Variants in URB2 observed in about 807,000 individuals in gnomAD.
URB2 encodes URB2 ribosome biogenesis homolog.
URB2 carries 86 observed loss-of-function variants against 120.9 expected under a neutral mutation model. The observed-to-expected ratio is 0.71, with a 90% CI of 0.60 to 0.85. The LOEUF (loss-of-function observed/expected upper bound fraction) is 0.85, where lower values mean the gene tolerates loss of function less well. Among genes scored for constraint, URB2 ranks in the 40% least tolerant of loss-of-function variants. The probability of loss-of-function intolerance (pLI) is 0.00; values close to 1 mark genes in which losing one functional copy is unlikely to be tolerated. For missense variants in URB2, 1,765 were observed against 1,836.5 expected (o/e 0.96, Z 0.71); for synonymous variants, 755 against 758.4 (o/e 1.00, Z 0.07).
At chr1:229,647,483 T>A in intron 6 of URB2, 27 bp from the exon 7 acceptor site, 2 of 1,600,112 alleles carry the variant, frequency 1.2e-6, no homozygotes, top group Non-Finnish European at 1.7e-6. Flanking sequence ...TACTTTCATT[T>A]TTCCTTTATT....
chr1:229,658,565 T>C (rs376403482), intron 9 of URB2, among the ~76,000 whole-genome samples: 12 of 152,204 alleles, frequency 7.9e-5, no homozygotes, highest in East Asian at 3.8e-4. Flanking sequence ...TAATTACTAG[T>C]GTAGGCTTAT....
At position 229,638,240 on chromosome 1, in the gene URB2, T is replaced by C. The variant is rs1396984152; in HGVS notation, c.3627T>C (p.Val1209=). 1 of 1,595,958 alleles carries C rather than the reference T, an allele frequency of 6.3e-7. No individual in the cohort carries two copies. Among genetic ancestry groups the C allele is most frequent in the Non-Finnish European group, 8.5e-7 (1 of 1,171,258 alleles). ...FTSMFHSVRR[V]LADPEIPVQV... ...CCATGTTTCATTCTGTGAGAAGAGT[T>C]CTTGCAGGTAAGATATTTTCTCTTG... The change falls in exon 4 of 10, where the codon GTT becomes GTC. Residue 1209 remains valine, a synonymous_variant. Coordinates refer to ENST00000258243, the MANE Select transcript of URB2 (RefSeq NM_014777.4).
Position 229,636,386 on chromosome 1 carries a change from A to C in URB2, c.1773A>C (p.Pro591=). The change falls in exon 4 of 10, where the codon CCA becomes CCC. Residue 591 remains proline (P), a synonymous_variant. Coordinates refer to ENST00000258243, the MANE Select transcript of URB2 (RefSeq NM_014777.4). The part of the protein sequence containing the change: ...QPLLALLPDT[P]GPEPELWLQK... ...TGCTGGCCCTTCTCCCGGACACCCC[A>C]GGCCCAGAGCCAGAGCTGTGGCTGC... The C allele has an allele frequency of 6.2e-7, 1 of 1,614,238 alleles. No homozygotes were observed.
intron 8 of URB2, 50 bp downstream of exon 8, chr1:229,651,372 T>C: frequency 6.5e-7 from 1 of 1,528,402 alleles, no homozygotes; most frequent in South Asian, 1.3e-5. Flanking sequence ...CATCATGAGG[T>C]GTGGCTGCTG....
At chr1:229,656,537 A>C (rs1000922957) in intron 9 of URB2, among the ~76,000 whole-genome samples, 4 of 152,244 alleles carry the variant, frequency 2.6e-5, no homozygotes, top group African/African-American at 9.6e-5. Context: ...AATGAAGAAA[A>C]TATTCCATAT....
At chr1:229,628,479 T>C (rs1416551778) in intron 2 of URB2, among the ~76,000 whole-genome samples, 1 of 152,016 alleles carries the variant, frequency 6.6e-6, no homozygotes, top group East Asian at 1.9e-4. Context: ...GACATTATAT[T>C]ACAAACTAAG....
At position 229,659,961 on chromosome 1, in the gene URB2, AAAT is replaced by A. The variant is rs1169092433; in HGVS notation, c.*668_*670del. 3.9e-5 allele frequency: 6 copies of A among 152,192 alleles called. No homozygotes were observed. Among genetic ancestry groups the A allele is most frequent in the Non-Finnish European group, 8.8e-5 (6 of 68,036 alleles). The allele number at this position is 152,192 out of a possible 1,614,324, so 9.4% of individuals were successfully genotyped here. A position where few individuals can be genotyped will look rare whatever the true frequency, so the allele number is the denominator to read the frequency against. On this transcript the variant is annotated 3_prime_UTR_variant, in exon 10 of 10. Coordinates refer to ENST00000258243, the MANE Select transcript of URB2 (RefSeq NM_014777.4). ...ATTTTTTTTTCCTATGCAGTTTAAGAAATAATCCTAATTGTTTTTTCTTATTAC... is the reference window on the plus strand; with the variant it reads ...ATTTTTTTTTCCTATGCAGTTTAAGAAATCCTAATTGTTTTTTCTTATTAC...
chr1:229,635,747 C>A lies in URB2; in HGVS notation c.1134C>A (p.Asp378Glu), dbSNP rs989520559. Residue 378 changes from aspartate (D) to glutamate (E), a missense_variant, in exon 4 of 10, where the codon GAC becomes GAA. Transcript: ENST00000258243. ...ACAATATCTACAACATCGCTGCCGACAGAATTCGGCACGAAGAGGCTCAGT... is the reference window on the plus strand; with the variant it reads ...ACAATATCTACAACATCGCTGCCGAAAGAATTCGGCACGAAGAGGCTCAGT... Reference protein sequence around the residue: ...ANNNIYNIAADRIRHEEAQFR... With the variant: ...ANNNIYNIAAERIRHEEAQFR... 2.5e-6 allele frequency: 4 copies of A among 1,614,078 alleles called. No individual in the cohort carries two copies. In the African/African-American group the frequency reaches 5.3e-5, roughly 22 times the overall value.
Position 229,636,109 on chromosome 1 carries a change from C to A in URB2, c.1496C>A (p.Ser499Tyr). The A allele has an allele frequency of 6.2e-7, 1 of 1,614,278 alleles. No individual in the cohort carries two copies. The highest frequency in any genetic ancestry group is 8.5e-7 in the Non-Finnish European group (1 of 1,180,058). The change falls in exon 4 of 10, where the codon TCT (serine) becomes TAT (tyrosine). Residue 499 changes from serine (S) to tyrosine (Y), a missense_variant. Transcript: ENST00000258243. ...VLASGPSTVL[S>Y]ACLLELPPSQ... ...GCCTCGGGCCCCTCCACGGTACTCT[C>A]TGCATGCCTCCTGGAGCTGCCTCCA...
intron 7 of URB2, 131 bp downstream of exon 7, chr1:229,647,883 T>G (rs530342758): frequency 1.1e-5 from 15 of 1,416,638 alleles, no homozygotes; most frequent in African/African-American, 1.4e-5. Context: ...TAGGCAAACT[T>G]TCTGTTCTAG....
rs1162154148 is a variant in URB2, at chr1:229,659,974, T to A, written c.*677T>A. ...ATGCAGTTTAAGAAATAATCCTAAT[T>A]GTTTTTTCTTATTACCTAAGCAATA... is the stretch of plus-strand genomic sequence containing the variant. On this transcript the variant is annotated 3_prime_UTR_variant, in exon 10 of 10. Transcript: ENST00000258243. 6.6e-6 allele frequency: 1 copy of A among 152,222 alleles called. No individual in the cohort carries two copies. The highest frequency in any genetic ancestry group is 1.5e-5 in the Non-Finnish European group (1 of 68,034). The allele number at this position is 152,222 out of a possible 1,614,324, so 9.4% of individuals were successfully genotyped here.
At position 229,649,472 on chromosome 1, in the gene URB2, C is replaced by G. The variant is rs190691036; in HGVS notation, c.4149+1720C>G. ...AATACTAGAAAGCAGCTTGATTCTT[C>G]TGCAAAACCATTAGCAAATGACCAT... is the stretch of plus-strand genomic sequence containing the variant. On this transcript the variant is annotated intron_variant, in intron 7 of 9. Coordinates refer to ENST00000258243, the MANE Select transcript of URB2 (RefSeq NM_014777.4). Among the ~76,000 whole-genome samples the G allele has an allele frequency of 3.5e-4, 53 of 152,324 alleles. No homozygotes were observed. In the East Asian group the frequency reaches 0.01, roughly 29 times the overall value.
rs201737311 is a variant in URB2, at chr1:229,635,256, G to A, written c.643G>A (p.Gly215Ser). The change falls in exon 4 of 10, where the codon GGC becomes AGC. Residue 215 changes from glycine (G) to serine (S), a missense_variant. By Grantham distance (56) the Gly-to-Ser change is moderately conservative. Transcript: ENST00000258243. Reference sequence around the variant, plus strand: ...GGTCCTGAGGCACTTACTCTCTGGGGGCACATGGACGCAGGCTGGCCAGGG... The same window carrying A: ...GGTCCTGAGGCACTTACTCTCTGGGAGCACATGGACGCAGGCTGGCCAGGG... ...CLVLRHLLSG[G>S]TWTQAGQGQL... 19 of 1,614,228 alleles carry A rather than the reference G, an allele frequency of 1.2e-5. No homozygotes were observed. The highest frequency in any genetic ancestry group is 4.0e-5 in the African/African-American group (3 of 75,070).
intron 5 of URB2, among the ~76,000 whole-genome samples, chr1:229,644,525 C>T (rs113373835): frequency 1.3e-5 from 2 of 152,114 alleles, no homozygotes; most frequent in East Asian, 1.9e-4. Context: ...AGGCGTGCAC[C>T]GTGCAGGCAG....
chr1:229,641,789 G>A (rs571402833), intron 4 of URB2, among the ~76,000 whole-genome samples: 93 of 152,304 alleles, frequency 6.1e-4, no homozygotes, highest in African/African-American at 2.1e-3. Context: ...TAGGGAGGCT[G>A]AGCCAAGAGA....
rs1191208366 is a variant in URB2, at chr1:229,639,887, C to CCCCT, written c.3634+1643_3634+1644insTCCC. Among the ~76,000 whole-genome samples the CCCCT allele has an allele frequency of 3.3e-5, 5 of 152,108 alleles. 1 individual carries two copies. The highest frequency in any genetic ancestry group is 1.2e-4 in the African/African-American group (5 of 41,418). On this transcript the variant is annotated intron_variant, in intron 4 of 9. Coordinates refer to ENST00000258243, the MANE Select transcript of URB2 (RefSeq NM_014777.4). ...CCTGCACAGAGTCGACCTTTACAGC[C>CCCCT]CCCCTGGTGAAAGGTTAATGGGTTA...
rs901852338 is a variant in URB2, at chr1:229,628,109, G to A, written c.126+350G>A. Among the ~76,000 whole-genome samples, 17 of 128,432 alleles carry A rather than the reference G, an allele frequency of 1.3e-4. No homozygotes were observed. In the East Asian group the frequency reaches 3.1e-3, roughly 24 times the overall value. The allele number at this position is 128,432 out of a possible 152,430, so 84.3% of individuals were successfully genotyped here. On this transcript the variant is annotated intron_variant, in intron 2 of 9. Coordinates refer to ENST00000258243, the MANE Select transcript of URB2 (RefSeq NM_014777.4). ...TAAAAAAATTATATATATTATATAT[G>A]TATATATATGTATATATACATATAT...
Position 229,630,808 on chromosome 1 carries a change from C to T in URB2, c.127-1461C>T, listed in dbSNP as rs148093942. 2.5e-3 allele frequency among the ~76,000 whole-genome samples: 385 copies of T among 151,796 alleles called. 2 individuals are homozygous for T. The highest frequency in any genetic ancestry group is 9.0e-3 in the African/African-American group (372 of 41,408). On this transcript the variant is annotated intron_variant, in intron 2 of 9. Coordinates refer to ENST00000258243, the MANE Select transcript of URB2 (RefSeq NM_014777.4). ...TTCGAGACCAGTCTAGCCAACATGG[C>T]GAAACCCCTAAAAATAAAAAAAAAT...
intron 2 of URB2, among the ~76,000 whole-genome samples, chr1:229,629,047 A>G (rs776803245): frequency 1.3e-5 from 2 of 152,156 alleles, no homozygotes. Context: ...CTGTTGTTAT[A>G]CTGAGAGATT....
Sources: allele counts gnomAD v4.1 joint callset (sites outside exome capture counted in the v4.1 genomes callset), GRCh38; gene constraint gnomAD v4.1.1; transcripts MANE v1.5; gene names NCBI Gene and HGNC (gene_info 2026-07-23, HGNC 2026-07-21).